Variants in MYRFL observed in about 807,000 individuals in gnomAD.
The protein encoded by MYRFL is myelin regulatory factor like.
MYRFL carries 88 observed loss-of-function variants against 109.4 expected under a neutral mutation model. The observed-to-expected ratio is 0.80, with a 90% CI of 0.68 to 0.96. The LOEUF (loss-of-function observed/expected upper bound fraction) is 0.96. Ranked by LOEUF, MYRFL falls within the 40% of genes least tolerant of loss-of-function variation. MYRFL has a pLI of 0.00. For synonymous variants in MYRFL, 324 were observed against 320.9 expected (o/e 1.01, Z -0.10); for missense variants, 957 against 954.9 (o/e 1.00, Z -0.03).
At chr12:69,858,939 T>C (rs1237771931) in intron 2 of MYRFL, among the ~76,000 whole-genome samples, 1 of 152,100 alleles carries the variant, frequency 6.6e-6, no homozygotes, top group African/African-American at 2.4e-5. Context: ...GAGTTTGTGA[T>C]TTGAGGTTAA....
chr12:69,901,903 A>ATTTTTTTTTTTTTTTTTT (rs1203678206), intron 10 of MYRFL, among the ~76,000 whole-genome samples: 1 of 137,502 alleles, frequency 7.3e-6, no homozygotes, highest in Non-Finnish European at 1.6e-5. Context: ...GTTTTTTTTA[A>ATTTTTTTTTTTTTTTTTT]ATTTTCTTGA....
chr12:69,914,953 C>T (rs371599619), intron 13 of MYRFL, among the ~76,000 whole-genome samples: 21 of 152,300 alleles, frequency 1.4e-4, no homozygotes, highest in African/African-American at 5.1e-4. Context: ...GTGAACATCT[C>T]CCCACTCTGA....
intron 19 of MYRFL, among the ~76,000 whole-genome samples, chr12:69,936,952 C>A (rs968998858): frequency 1.3e-5 from 2 of 152,078 alleles, no homozygotes; most frequent in South Asian, 2.1e-4. Flanking sequence ...TTTTTGGGCT[C>A]ATTTAGAGTT....
intron 1 of MYRFL, among the ~76,000 whole-genome samples, chr12:69,830,177 T>A (rs1253628914): frequency 1.3e-5 from 2 of 151,894 alleles, no homozygotes; most frequent in Non-Finnish European, 2.9e-5. Context: ...GATTACCTCC[T>A]CCAGGAATAG....
chr12:69,875,550 A>T (rs531765817), intron 2 of MYRFL, among the ~76,000 whole-genome samples: 10 of 151,810 alleles, frequency 6.6e-5, no homozygotes, highest in African/African-American at 2.2e-4. Context: ...AGTTTTTCCA[A>T]CCCCTGCCGG....
rs201893483 is a variant in MYRFL, at chr12:69,958,633, T to TCA, written c.*102_*103insCA. The TCA allele has an allele frequency of 5.9e-6, 5 of 851,026 alleles. No individual in the cohort carries two copies. Among genetic ancestry groups the TCA allele is most frequent in the East Asian group, 2.7e-5 (1 of 36,984 alleles). 52.7% of individuals were successfully genotyped at this position (851,026 alleles called of 1,614,324 possible). A position where few individuals can be genotyped will look rare whatever the true frequency, so the allele number is the denominator to read the frequency against. On this transcript the variant is annotated 3_prime_UTR_variant, in exon 25 of 25. Coordinates refer to ENST00000552032, the MANE Select transcript of MYRFL (RefSeq NM_182530.3). Reference sequence around the variant, plus strand: ...CTTCTTTTTTCTTCTTTGTAAAACATTTACGTTTATTGCTGAAGGACTTTT... The same window carrying TCA: ...CTTCTTTTTTCTTCTTTGTAAAACATCATTACGTTTATTGCTGAAGGACTTTT...
intron 1 of MYRFL, among the ~76,000 whole-genome samples, chr12:69,853,555 CG>C (rs1884048189): frequency 9.0e-6 from 1 of 110,848 alleles, no homozygotes; most frequent in Admixed American, 9.3e-5. Flanking sequence ...TCTCAGACGA[CG>C]GGCGGCCAGG....
intron 20 of MYRFL, 98 bp downstream of exon 20, chr12:69,952,273 G>A (rs1955996507): frequency 9.2e-7 from 1 of 1,086,420 alleles, no homozygotes; most frequent in African/African-American, 1.6e-5. Context: ...CAGGGACAAA[G>A]GCTGCAGCCT....
chr12:69,855,423 A>T (rs1422874297), intron 2 of MYRFL, 53 bp downstream of exon 2: 2 of 696,122 alleles, frequency 2.9e-6, no homozygotes, highest in African/African-American at 3.5e-5. Flanking sequence ...TTATGAAATG[A>T]TTAAATGAGC....
intron 1 of MYRFL, among the ~76,000 whole-genome samples, chr12:69,827,108 A>T (rs1203732955): frequency 6.6e-6 from 1 of 152,060 alleles, no homozygotes; most frequent in Non-Finnish European, 1.5e-5. Context: ...TCCTATTGAT[A>T]TGTTAACTGT....
At chr12:69,957,407 A>G (rs1956120322) in intron 22 of MYRFL, among the ~76,000 whole-genome samples, 1 of 152,144 alleles carries the variant, frequency 6.6e-6, no homozygotes, top group Non-Finnish European at 1.5e-5. Context: ...TTTTGATGTG[A>G]GACAACATAA....
chr12:69,875,945 T>C (rs1885638749), intron 2 of MYRFL, among the ~76,000 whole-genome samples: 1 of 152,238 alleles, frequency 6.6e-6, no homozygotes, highest in Non-Finnish European at 1.5e-5. Flanking sequence ...TCAATCACTT[T>C]GCTTAGACTC....
chr12:69,853,621 AC>A (rs1884057113), intron 1 of MYRFL, among the ~76,000 whole-genome samples: 1 of 138,688 alleles, frequency 7.2e-6, no homozygotes, highest in Admixed American at 7.2e-5. Flanking sequence ...GGCGCTCCTC[AC>A]TTCCCAGACT....
chr12:69,939,360 GCCT>G (rs1955568513), intron 19 of MYRFL, among the ~76,000 whole-genome samples: 1 of 152,164 alleles, frequency 6.6e-6, no homozygotes, highest in Non-Finnish European at 1.5e-5. Context: ...CGGGCAGACT[GCCT>G]CCTCAAGTGG....
intron 1 of MYRFL, among the ~76,000 whole-genome samples, chr12:69,851,048 G>C (rs565548845): frequency 6.6e-6 from 1 of 152,150 alleles, no homozygotes; most frequent in African/African-American, 2.4e-5. Flanking sequence ...TTCATGGAAT[G>C]GATCTTACTT....
At chr12:69,911,398 G>C (rs1954565935) in intron 13 of MYRFL, among the ~76,000 whole-genome samples, 1 of 152,178 alleles carries the variant, frequency 6.6e-6, no homozygotes, top group Non-Finnish European at 1.5e-5. Flanking sequence ...GTGAAGTGTT[G>C]AATTTTTTGA....
intron 16 of MYRFL, among the ~76,000 whole-genome samples, chr12:69,933,786 C>T (rs17813863): frequency 0.055 from 8,421 of 152,214 alleles, 295 homozygotes; most frequent in Middle Eastern, 0.14. Flanking sequence ...TTAGTATTCT[C>T]TAGAGACACA....
chr12:69,844,078 C>T (rs564345060), intron 1 of MYRFL, among the ~76,000 whole-genome samples: 1 of 152,326 alleles, frequency 6.6e-6, no homozygotes, highest in South Asian at 2.1e-4. Context: ...GAGTTGTTCT[C>T]TGTGTGTAAA....
At chr12:69,950,565 C>T (rs75750956) in intron 19 of MYRFL, among the ~76,000 whole-genome samples, 14,665 of 152,168 alleles carry the variant, frequency 0.096, 990 homozygotes, top group Middle Eastern at 0.18. Context: ...TCATATGAGC[C>T]AGGCTTCAGT....
Sources: gnomAD v4.1 joint callset for allele counts (sites outside exome capture counted in the v4.1 genomes callset) on GRCh38, gnomAD v4.1.1 for gene constraint, MANE v1.5 for transcripts, NCBI Gene and HGNC (gene_info 2026-07-23, HGNC 2026-07-21) for gene names.